The following USP34 variants were observed in gnomAD, a reference collection of about 807,000 sequenced individuals.
USP34 encodes the protein ubiquitin carboxyl-terminal hydrolase 34.
Under a neutral mutation model 460.3 loss-of-function variants are expected in USP34, and 70 were observed. The ratio of observed to expected loss-of-function variants is 0.15; its 90% CI spans 0.13 to 0.19. USP34 has a LOEUF of 0.19. Ranked by LOEUF, USP34 falls within the 10% of genes least tolerant of loss-of-function variation. The pLI, the probability that USP34 is intolerant of heterozygous loss-of-function variation, is 1.00. For missense variants in USP34, 3,985 were observed against 4,236.2 expected, an observed-to-expected ratio of 0.94 and a Z score of 1.65; for synonymous variants, 1,647 against 1,405.3, an observed-to-expected ratio of 1.17 and a Z score of -3.85.
chr2:61,294,697 G>C (rs1689970913), intron 32 of USP34, among the ~76,000 whole-genome samples: 1 of 152,160 alleles, frequency 6.6e-6, no homozygotes, highest in Non-Finnish European at 1.5e-5. Flanking sequence ...CTGGATCACA[G>C]GCGTGAGCCA....
intron 1 of USP34, among the ~76,000 whole-genome samples, chr2:61,467,148 C>G (rs76979152): frequency 6.6e-6 from 1 of 151,700 alleles, no homozygotes; most frequent in Non-Finnish European, 1.5e-5. Context: ...ACTAAAAATA[C>G]AAAAATTAGC....
At chr2:61,423,650 A>G (rs1480786909) in intron 1 of USP34, among the ~76,000 whole-genome samples, 1 of 152,186 alleles carries the variant, frequency 6.6e-6, no homozygotes, top group African/African-American at 2.4e-5. Flanking sequence ...AGCAATCACT[A>G]TCAAAATCCC....
At chr2:61,405,445 G>T (rs1382725741) in intron 3 of USP34, among the ~76,000 whole-genome samples, 1 of 151,878 alleles carries the variant, frequency 6.6e-6, no homozygotes, top group Non-Finnish European at 1.5e-5. Context: ...AATAAGCATA[G>T]ATCTATAGCA....
chr2:61,281,848 A>G (rs1309362010), intron 37 of USP34, among the ~76,000 whole-genome samples: 2 of 152,184 alleles, frequency 1.3e-5, no homozygotes, highest in African/African-American at 2.4e-5. Context: ...AGAGGATAAA[A>G]TATTTTCAGA....
intron 27 of USP34, among the ~76,000 whole-genome samples, chr2:61,303,765 T>G (rs891902441): frequency 6.6e-6 from 1 of 151,738 alleles, no homozygotes; most frequent in Admixed American, 6.6e-5. Context: ...CCTGGCTCAT[T>G]TTTTGTATTT....
intron 1 of USP34, among the ~76,000 whole-genome samples, chr2:61,457,468 C>T (rs183104337): frequency 6.6e-6 from 1 of 152,126 alleles, no homozygotes; most frequent in African/African-American, 2.4e-5. Flanking sequence ...CTGTTTCTGC[C>T]AAAGAAACGG....
Position 61,202,770 on chromosome 2 carries a change from C to T in USP34, c.9508+370G>A, listed in dbSNP as rs892367941. Among the ~76,000 whole-genome samples, 8 of 152,154 alleles carry T rather than the reference C, an allele frequency of 5.3e-5. No homozygotes were observed. The South Asian group carries it at 8.3e-4, about 16-fold the overall frequency. The stretch of plus-strand genomic sequence containing the variant: ...GCACAGCTGGCACTATAGATCTCAT[C>T]GCACCCTCAAGAGCAGGGCTGGGGA... On this transcript the variant is annotated intron_variant, in intron 75 of 79. Transcript: ENST00000398571.
At chr2:61,420,487 G>C (rs1420852493) in intron 2 of USP34, among the ~76,000 whole-genome samples, 1 of 152,098 alleles carries the variant, frequency 6.6e-6, no homozygotes, top group Admixed American at 6.5e-5. Context: ...TCTCAAAATA[G>C]TTACTTTTCA....
At chr2:61,273,566 A>G (rs1278785151) in intron 41 of USP34, among the ~76,000 whole-genome samples, 2 of 152,126 alleles carry the variant, frequency 1.3e-5, no homozygotes, top group African/African-American at 4.8e-5. Context: ...AAAGATACTA[A>G]AATTAGCTGG....
intron 5 of USP34, 144 bp downstream of exon 5, chr2:61,394,709 A>C: frequency 3.8e-6 from 2 of 525,382 alleles, no homozygotes; most frequent in South Asian, 7.4e-5. Context: ...GATCGTTAAA[A>C]CGTTTCTGTA....
intron 15 of USP34, 79 bp from the exon 16 acceptor site, chr2:61,344,108 A>G: frequency 7.5e-7 from 1 of 1,335,292 alleles, no homozygotes; most frequent in East Asian, 2.4e-5. Flanking sequence ...TACCTCTCTT[A>G]AACTTACAAA....
chr2:61,335,772 C>T (rs1691397297), intron 18 of USP34, among the ~76,000 whole-genome samples: 1 of 152,012 alleles, frequency 6.6e-6, no homozygotes, highest in African/African-American at 2.4e-5. Flanking sequence ...GTTCAATGAT[C>T]CAGAGTAATA....
In USP34 at chr2:61,236,334, G is replaced by C. The variant is rs199636869; in HGVS notation, c.6833C>G (p.Thr2278Arg). ...AATTTACCAAACTTACCCAAAATAT[G>C]TATGTTCAAAAATGTTTTTGTCTTG... ...FLQDKNIFEH[T>R]YFGFMWQLCS... Residue 2278 changes from threonine (T) to arginine (R), a missense_variant, in exon 54 of 80, where the codon ACA becomes AGA. By Grantham distance (71) the Thr-to-Arg change is moderately conservative. Transcript: ENST00000398571. 6.9e-6 allele frequency: 11 copies of C among 1,603,556 alleles called. No individual in the cohort carries two copies. In the Admixed American group the frequency reaches 6.9e-5, roughly 10 times the overall value.
intron 67 of USP34, among the ~76,000 whole-genome samples, chr2:61,217,873 T>C (rs1387663302): frequency 6.6e-6 from 1 of 152,016 alleles, no homozygotes; most frequent in Non-Finnish European, 1.5e-5. Flanking sequence ...GAGAACTGCT[T>C]GAACCCGGGA....
chr2:61,437,479 G>T (rs981056539), intron 1 of USP34, among the ~76,000 whole-genome samples: 1 of 152,004 alleles, frequency 6.6e-6, no homozygotes, highest in Non-Finnish European at 1.5e-5. Flanking sequence ...GAACCAATAA[G>T]AAATAAAAAA....
intron 67 of USP34, among the ~76,000 whole-genome samples, 175 bp from the exon 68 acceptor site, chr2:61,214,869 G>C (rs1236416954): frequency 6.6e-6 from 1 of 152,176 alleles, no homozygotes; most frequent in African/African-American, 2.4e-5. Flanking sequence ...AAGATCCCAA[G>C]AGGTGATAAA....
intron 59 of USP34, 72 bp downstream of exon 59, chr2:61,229,476 C>CAA (rs70959901): frequency 0.044 from 17,543 of 396,246 alleles, 443 homozygotes; most frequent in South Asian, 0.055. Flanking sequence ...AAAAAAAAAA[C>CAA]AAAAAAAAAA....
At chr2:61,233,048 TG>T (rs1247145642) in intron 57 of USP34, among the ~76,000 whole-genome samples, 1 of 151,784 alleles carries the variant, frequency 6.6e-6, no homozygotes, top group African/African-American at 2.4e-5. Context: ...TTAGTAGAAA[TG>T]GGGTTTCACT....
In USP34 at chr2:61,249,425, C is replaced by G. The variant is rs1688512197; in HGVS notation, c.6222-742G>C. Among the ~76,000 whole-genome samples the G allele has an allele frequency of 2.0e-5, 3 of 152,342 alleles. No individual in the cohort carries two copies. The South Asian group carries it at 6.2e-4, about 32-fold the overall frequency. ...GACTGTGCCAGATTTTATCATGCTA[C>G]TCAGTCCAGTGGGCAATTTAAAACT... On this transcript the variant is annotated intron_variant, in intron 48 of 79. Transcript: ENST00000398571.
Sources: allele counts gnomAD v4.1 joint callset (sites outside exome capture counted in the v4.1 genomes callset), GRCh38; gene constraint gnomAD v4.1.1; transcripts MANE v1.5; gene names NCBI Gene and HGNC (gene_info 2026-07-23, HGNC 2026-07-21).